The following MTDH variants were observed in gnomAD, a reference collection of about 807,000 sequenced individuals.
The protein encoded by MTDH is metadherin, also known as protein LYRIC.
In MTDH, 34 loss-of-function variants were observed where a neutral mutation model predicts 72.7. The observed-to-expected ratio is 0.47, with a 90% CI of 0.36 to 0.62. The LOEUF (loss-of-function observed/expected upper bound fraction) is 0.62. Ranked by LOEUF, MTDH falls within the 20% of genes least tolerant of loss-of-function variation. The pLI is 0.00. For synonymous variants in MTDH, 266 were observed against 268.9 expected (o/e 0.99, Z 0.10); for missense variants, 677 against 699.4 (o/e 0.97, Z 0.36).
chr8:97,676,427 A>G (rs1172086446), intron 2 of MTDH, among the ~76,000 whole-genome samples: 1 of 152,178 alleles, frequency 6.6e-6, no homozygotes, highest in Non-Finnish European at 1.5e-5. Context: ...TGAATTGTAC[A>G]CTATGCCTTT....
chr8:97,713,209 C>T (rs951527790), intron 8 of MTDH, among the ~76,000 whole-genome samples: 3 of 152,108 alleles, frequency 2.0e-5, no homozygotes, highest in East Asian at 1.9e-4. Flanking sequence ...TTTAGCCTCC[C>T]GAGTAGCTGG....
intron 2 of MTDH, among the ~76,000 whole-genome samples, chr8:97,679,768 GAAC>G (rs1563540321): frequency 6.6e-6 from 1 of 152,130 alleles, no homozygotes. Flanking sequence ...GGAAGTATGA[GAAC>G]AACAAGCTTA....
At position 97,644,249 on chromosome 8, in the gene MTDH, C is replaced by T. The variant is rs895873006; in HGVS notation, c.-258C>T. On this transcript the variant is annotated 5_prime_UTR_variant, in exon 1 of 12. Transcript: ENST00000336273. ...GCGCTGGCGCCGAGACGCCGCTTAG[C>T]GGCCGCCACTGGAGACACTCCCTCC... 17 of 496,892 alleles carry T rather than the reference C, an allele frequency of 3.4e-5. No individual in the cohort carries two copies. In the East Asian group the frequency reaches 5.9e-4, roughly 17 times the overall value. 30.8% of individuals were successfully genotyped at this position (496,892 alleles called of 1,614,324 possible). A position where few individuals can be genotyped will look rare whatever the true frequency, so the allele number is the denominator to read the frequency against.
At chr8:97,717,935 A>C (rs536642790) in intron 9 of MTDH, among the ~76,000 whole-genome samples, 75 of 152,226 alleles carry the variant, frequency 4.9e-4, no homozygotes, top group Non-Finnish European at 8.8e-4. Flanking sequence ...TTTTTAGTAG[A>C]AACAGGGTTT....
intron 2 of MTDH, among the ~76,000 whole-genome samples, chr8:97,664,423 T>C (rs554888071): frequency 6.6e-6 from 1 of 152,284 alleles, no homozygotes; most frequent in East Asian, 1.9e-4. Context: ...TTCGAAAAAG[T>C]TCTTTTTATC....
At chr8:97,708,488 G>C (rs1263579002) in intron 8 of MTDH, among the ~76,000 whole-genome samples, 3 of 128,830 alleles carry the variant, frequency 2.3e-5, no homozygotes, top group Non-Finnish European at 4.7e-5. Flanking sequence ...TGCCATGTTA[G>C]CCAGGCTGGT....
At chr8:97,698,194 T>C (rs1008540890) in intron 6 of MTDH, among the ~76,000 whole-genome samples, 1 of 152,206 alleles carries the variant, frequency 6.6e-6, no homozygotes, top group Non-Finnish European at 1.5e-5. Flanking sequence ...ACCAAGTATC[T>C]TTTCTTCCTA....
intron 8 of MTDH, among the ~76,000 whole-genome samples, chr8:97,713,243 C>T (rs915897424): frequency 6.6e-6 from 1 of 152,072 alleles, no homozygotes; most frequent in Non-Finnish European, 1.5e-5. Context: ...TGCCATCACG[C>T]CCGGCTAATT....
intron 2 of MTDH, among the ~76,000 whole-genome samples, chr8:97,663,490 T>C (rs1305956740): frequency 6.6e-6 from 1 of 152,136 alleles, no homozygotes. Context: ...GGCTCACGCC[T>C]GTAATCCCAG....
chr8:97,714,284 G>GA (rs532074946), intron 9 of MTDH, among the ~76,000 whole-genome samples: 28 of 151,882 alleles, frequency 1.8e-4, no homozygotes, highest in African/African-American at 4.8e-4. Context: ...CTGTCTGGGG[G>GA]AAAAAAAGTA....
In MTDH at chr8:97,727,113, A is replaced by C. The variant is rs1038373489; in HGVS notation, c.*2443A>C. On this transcript the variant is annotated 3_prime_UTR_variant, in exon 12 of 12. Coordinates refer to ENST00000336273, the MANE Select transcript of MTDH (RefSeq NM_178812.4). ...AAGATGGCAGCTATATAAATGATAAAATTAATTACATTCTCTTTCACATGC... is the reference window on the plus strand; with the variant it reads ...AAGATGGCAGCTATATAAATGATAACATTAATTACATTCTCTTTCACATGC... 1 of 152,050 alleles carries C rather than the reference A, an allele frequency of 6.6e-6. No homozygotes were observed. Among genetic ancestry groups the C allele is most frequent in the African/African-American group, 2.4e-5 (1 of 41,382 alleles). 9.4% of individuals were successfully genotyped at this position (152,050 alleles called of 1,614,324 possible).
At chr8:97,705,603 GA>G (rs146289947) in intron 7 of MTDH, among the ~76,000 whole-genome samples, 3,459 of 152,184 alleles carry the variant, frequency 0.023, 57 homozygotes, top group Middle Eastern at 0.044. Flanking sequence ...CCGTCTTGGG[GA>G]AAAAAATAAA....
intron 2 of MTDH, among the ~76,000 whole-genome samples, chr8:97,668,411 G>A (rs1179929045): frequency 1.3e-5 from 2 of 152,036 alleles, no homozygotes; most frequent in Admixed American, 1.3e-4. Context: ...CAATATAGGG[G>A]CACATGTTCC....
intron 11 of MTDH, 101 bp downstream of exon 11, chr8:97,723,136 C>T (rs550839250): frequency 4.0e-5 from 49 of 1,239,172 alleles, no homozygotes; most frequent in Middle Eastern, 4.2e-4. Flanking sequence ...CAGTGGCTCA[C>T]GCCTGTAATC....
chr8:97,705,331 G>C (rs368857590), intron 7 of MTDH, among the ~76,000 whole-genome samples: 1 of 151,580 alleles, frequency 6.6e-6, no homozygotes, highest in Admixed American at 6.6e-5. Context: ...GCTGGGCGTG[G>C]TGCCTCACGC....
Position 97,687,582 on chromosome 8 carries a change from C to T in MTDH, c.722C>T (p.Pro241Leu). Residue 241 changes from proline to leucine, a missense_variant, in exon 4 of 12, where the codon CCT (proline) becomes CTT (leucine). Around this residue, in one of 3 missense-constraint regions of MTDH, gnomAD observed 467 missense variants for 469.1 expected, o/e 1.00. Transcript: ENST00000336273. Reference sequence around the variant, plus strand: ...GAGCAACTTACAACCGCATCATTTCCTGTTGGTTCCAAGAAGAATAAAGGT... The same window carrying T: ...GAGCAACTTACAACCGCATCATTTCTTGTTGGTTCCAAGAAGAATAAAGGT... The part of the protein sequence containing the change: ...TTEQLTTASF[P>L]VGSKKNKGDS... The T allele has an allele frequency of 1.2e-6, 2 of 1,608,140 alleles. No homozygotes were observed. Among genetic ancestry groups the T allele is most frequent in the Non-Finnish European group, 1.7e-6 (2 of 1,177,670 alleles).
rs1433010730 is a variant in MTDH, at chr8:97,726,751, T to C, written c.*2081T>C. On this transcript the variant is annotated 3_prime_UTR_variant, in exon 12 of 12. Coordinates refer to ENST00000336273, the MANE Select transcript of MTDH (RefSeq NM_178812.4). Reference sequence around the variant, plus strand: ...GATACCTCTATTTCTTCTTTATGGCTCAAGAGCTAGGACTTGGATTTTGTT... The same window carrying C: ...GATACCTCTATTTCTTCTTTATGGCCCAAGAGCTAGGACTTGGATTTTGTT... 1 of 152,194 alleles carries C rather than the reference T, an allele frequency of 6.6e-6. No individual in the cohort carries two copies. Among genetic ancestry groups the C allele is most frequent in the Non-Finnish European group, 1.5e-5 (1 of 68,074 alleles). 9.4% of individuals were successfully genotyped at this position (152,194 alleles called of 1,614,324 possible).
Position 97,719,134 on chromosome 8 carries a change from C to T in MTDH, c.1466C>T (p.Ser489Phe), listed in dbSNP as rs779250302. The T allele has an allele frequency of 5.6e-6, 9 of 1,613,958 alleles. No individual in the cohort carries two copies. The change falls in exon 10 of 12, where the codon TCC becomes TTC. Residue 489 changes from serine (S) to phenylalanine (F), a missense_variant. Coordinates refer to ENST00000336273, the MANE Select transcript of MTDH (RefSeq NM_178812.4). ...CGTCCAAAACAGGAAAAAGCTTTTT[C>T]CTTGAAGACCATAAGCACTAGTGAT... ...KTRPKQEKAFSLKTISTSDPA... is the reference protein window; with the variant it reads ...KTRPKQEKAFFLKTISTSDPA...
At position 97,706,651 on chromosome 8, in the gene MTDH, C is replaced by T. The variant is rs749150497; in HGVS notation, c.1173C>T (p.Asn391=). Residue 391 remains asparagine (N), a synonymous_variant, in exon 8 of 12, where the codon AAC becomes AAT. Transcript: ENST00000336273. Reference sequence around the variant, plus strand: ...ATGGTCTGTCTTCTGCTGATCCCAACTCTGATTGGAATGCACCAGCAGAAG... The same window carrying T: ...ATGGTCTGTCTTCTGCTGATCCCAATTCTGATTGGAATGCACCAGCAGAAG... The part of the protein sequence containing the change: ...GLNGLSSADP[N]SDWNAPAEEW... The T allele has an allele frequency of 6.2e-7, 1 of 1,613,096 alleles. No individual in the cohort carries two copies. Among genetic ancestry groups the T allele is most frequent in the South Asian group, 1.1e-5 (1 of 90,894 alleles).
Sources: allele counts gnomAD v4.1 joint callset (sites outside exome capture counted in the v4.1 genomes callset), GRCh38; gene constraint gnomAD v4.1.1; regional missense constraint gnomAD v4.1.1; transcripts MANE v1.5; gene names NCBI Gene and HGNC (gene_info 2026-07-23, HGNC 2026-07-21).